Variants in KCNT1 observed in about 807,000 individuals in gnomAD.
The protein encoded by KCNT1 is potassium channel subfamily T member 1.
Under a neutral mutation model 147.8 loss-of-function variants are expected in KCNT1, and 78 were observed. That is an observed-to-expected ratio of 0.53 (90% CI 0.44 to 0.64). KCNT1 has a LOEUF of 0.64. KCNT1 is among the 30% of genes least tolerant of loss of function. The pLI, the probability that KCNT1 is intolerant of heterozygous loss-of-function variation, is 0.00. For synonymous variants in KCNT1, 867 were observed against 748.8 expected, an observed-to-expected ratio of 1.16 and a Z score of -2.58; for missense variants, 1,419 against 1,750.3, an observed-to-expected ratio of 0.81 and a Z score of 3.38.
In KCNT1 at chr9:135,786,300, C is replaced by A; in HGVS notation, c.3281C>A (p.Thr1094Lys). The A allele has an allele frequency of 6.2e-7, 1 of 1,604,062 alleles. No homozygotes were observed. Among genetic ancestry groups the A allele is most frequent in the Non-Finnish European group, 8.5e-7 (1 of 1,176,606 alleles). Residue 1094 changes from threonine to lysine, a missense_variant, in exon 29 of 31, where the codon ACG (threonine) becomes AAG (lysine). Coordinates refer to ENST00000371757, the MANE Select transcript of KCNT1 (RefSeq NM_020822.3). Reference sequence around the variant, plus strand: ...GGAGGCAGCTCCCAGGGCCGCCACACGGGCGGCGGTGACCCCGCAGAGCAC... The same window carrying A: ...GGAGGCAGCTCCCAGGGCCGCCACAAGGGCGGCGGTGACCCCGCAGAGCAC... ...GTGGSSQGRH[T>K]GGGDPAEHPL...
chr9:135,746,026 C>A lies in KCNT1; in HGVS notation c.255-4072C>A, dbSNP rs117257274. Among the ~76,000 whole-genome samples, 24 of 152,372 alleles carry A rather than the reference C, an allele frequency of 1.6e-4. No individual in the cohort carries two copies. In the East Asian group the frequency reaches 4.6e-3, roughly 29 times the overall value. ...AGCCACAGGCTCCCTCCCCAGGTGC[C>A]GCTGCGTGACTCGTGAAGACAGATC... On this transcript the variant is annotated intron_variant, in intron 2 of 30. Coordinates refer to ENST00000371757, the MANE Select transcript of KCNT1 (RefSeq NM_020822.3).
intron 1 of KCNT1, among the ~76,000 whole-genome samples, chr9:135,712,560 T>C (rs1431460329): frequency 1.3e-5 from 2 of 151,980 alleles, no homozygotes; most frequent in Non-Finnish European, 2.9e-5. Flanking sequence ...CCTCTCCCCC[T>C]GTGCCCAAAA....
rs773573319 is a variant in KCNT1, at chr9:135,784,795, C to G, written c.3062C>G (p.Thr1021Arg). The change falls in exon 27 of 31, where the codon ACG (threonine) becomes AGG (arginine). Residue 1021 changes from threonine to arginine, a missense_variant. Physicochemically the swap from Thr to Arg is moderately conservative, Grantham distance 71 (BLOSUM62 -1). Coordinates refer to ENST00000371757, the MANE Select transcript of KCNT1 (RefSeq NM_020822.3). ...KITEGDLWIR[T>R]YGRLFQKLCS... ...ACCGAGGGCGACCTGTGGATCCGCA[C>G]GTACGGCCGCCTCTTCCAGAAGCTC... 6.2e-7 allele frequency: 1 copy of G among 1,612,778 alleles called. No individual in the cohort carries two copies.
intron 1 of KCNT1, among the ~76,000 whole-genome samples, chr9:135,709,235 G>C (rs1835381615): frequency 6.6e-6 from 1 of 152,024 alleles, no homozygotes; most frequent in South Asian, 2.1e-4. Flanking sequence ...TTCATTATAT[G>C]CCATTCTGTT....
intron 17 of KCNT1, among the ~76,000 whole-genome samples, 177 bp from the exon 18 acceptor site, chr9:135,770,680 T>C (rs1270220812): frequency 6.6e-6 from 1 of 152,214 alleles, no homozygotes. Flanking sequence ...CCCAGCTCTC[T>C]GGTCCCCAAC....
chr9:135,755,127 T>C lies in KCNT1; in HGVS notation c.498T>C (p.Pro166=), dbSNP rs1402179280. The change falls in exon 6 of 31, where the codon CCT becomes CCC. Residue 166 remains proline (P), a synonymous_variant. Coordinates refer to ENST00000371757, the MANE Select transcript of KCNT1 (RefSeq NM_020822.3). ...NDSSSEINWA[P]ILWVERKMTL... is the part of the protein sequence containing the mutation. Reference sequence around the variant, plus strand: ...GCCTCCTTTCTCTTCCCAGGGCTCCTATTCTGTGGGTGGAGAGAAAGATGA... The same window carrying C: ...GCCTCCTTTCTCTTCCCAGGGCTCCCATTCTGTGGGTGGAGAGAAAGATGA... The C allele has an allele frequency of 6.2e-7, 1 of 1,611,914 alleles. No individual in the cohort carries two copies. Among genetic ancestry groups the C allele is most frequent in the Non-Finnish European group, 8.5e-7 (1 of 1,178,906 alleles).
chr9:135,713,582 C>T (rs1184320151), intron 1 of KCNT1, among the ~76,000 whole-genome samples: 2 of 152,308 alleles, frequency 1.3e-5, no homozygotes, highest in East Asian at 1.9e-4. Flanking sequence ...GCAGGGCCTA[C>T]GGGCACAGCA....
chr9:135,768,778 C>T, intron 14 of KCNT1, 51 bp from the exon 15 acceptor site: 1 of 1,566,044 alleles, frequency 6.4e-7, no homozygotes, highest in Non-Finnish European at 8.7e-7. Flanking sequence ...TGCCGCCCAG[C>T]AGCCCACAGA....
intron 2 of KCNT1, among the ~76,000 whole-genome samples, chr9:135,735,874 C>T (rs1295946835): frequency 1.3e-5 from 2 of 152,210 alleles, no homozygotes; most frequent in African/African-American, 4.8e-5. Flanking sequence ...TGCCAATACC[C>T]CCCGGCTGTT....
chr9:135,772,969 CGGCTCCCAGTGGG>C lies in KCNT1; in HGVS notation c.2243+23_2243+35del. 2 of 1,426,922 alleles carry C rather than the reference CGGCTCCCAGTGGG, an allele frequency of 1.4e-6. No individual in the cohort carries two copies. Among genetic ancestry groups the C allele is most frequent in the Non-Finnish European group, 1.8e-6 (2 of 1,088,758 alleles). The allele number at this position is 1,426,922 out of a possible 1,614,324, so 88.4% of individuals were successfully genotyped here. A position where few individuals can be genotyped will look rare whatever the true frequency, so the allele number is the denominator to read the frequency against. ...GGTAGAGTGAGTGCTGCCTTGGAGA[CGGCTCCCAGTGGG>C]GGGAGGAGCCGCCCATGAGTGCGGG... On this transcript the variant is annotated intron_variant, in intron 19 of 30. Transcript: ENST00000371757.
At chr9:135,753,471 G>A (rs914315852) in intron 4 of KCNT1, among the ~76,000 whole-genome samples, 4 of 152,134 alleles carry the variant, frequency 2.6e-5, no homozygotes, top group African/African-American at 4.8e-5. Context: ...TCAGCACCTG[G>A]GGATAGGAGC....
chr9:135,758,723 C>T (rs1399870535), intron 10 of KCNT1, among the ~76,000 whole-genome samples: 2 of 152,228 alleles, frequency 1.3e-5, no homozygotes, highest in East Asian at 1.9e-4. Flanking sequence ...CCCTGCAGCC[C>T]GACTCCTCCA....
intron 13 of KCNT1, chr9:135,766,842 C>T (rs898290698): frequency 6.6e-6 from 1 of 152,326 alleles, no homozygotes; most frequent in Admixed American, 6.5e-5. Context: ...CTCCACCTTC[C>T]CCTGCTCCAA....
chr9:135,778,239 G>T (rs549215678), intron 21 of KCNT1, among the ~76,000 whole-genome samples, 185 bp from the exon 22 acceptor site: 2 of 152,302 alleles, frequency 1.3e-5, no homozygotes, highest in Admixed American at 6.5e-5. Context: ...CCGGGCCTTG[G>T]TTTCCCCTTG....
At chr9:135,757,118 CTCCAT>C in intron 7 of KCNT1, 33 bp from the exon 8 acceptor site, 1 of 1,432,508 alleles carries the variant, frequency 7.0e-7, no homozygotes, top group Non-Finnish European at 9.7e-7. Context: ...CACCCCCACC[CTCCAT>C]CGCCCCCGCT....
chr9:135,748,938 C>T (rs899937416), intron 2 of KCNT1, among the ~76,000 whole-genome samples: 7 of 145,252 alleles, frequency 4.8e-5, no homozygotes, highest in Admixed American at 4.0e-4. Flanking sequence ...TCATGGAGGG[C>T]ACAGGGCCAT....
At chr9:135,788,240 C>T (rs1834222313) in intron 29 of KCNT1, 2 of 1,226,520 alleles carry the variant, frequency 1.6e-6, no homozygotes, top group Non-Finnish European at 2.4e-6. Context: ...CTTGCTGCGC[C>T]ATCCCGGCCA....
At chr9:135,746,988 C>T (rs943007036) in intron 2 of KCNT1, among the ~76,000 whole-genome samples, 7 of 151,882 alleles carry the variant, frequency 4.6e-5, no homozygotes, top group Admixed American at 6.6e-5. Flanking sequence ...AATTCTGCCT[C>T]GGGGAGGGGG....
chr9:135,780,796 T>G (rs1019583131), intron 24 of KCNT1, among the ~76,000 whole-genome samples: 2 of 152,276 alleles, frequency 1.3e-5, no homozygotes, highest in African/African-American at 4.8e-5. Context: ...GTTCACAGGA[T>G]TCTGTGTTCG....
Sources: gnomAD v4.1 joint callset for allele counts (sites outside exome capture counted in the v4.1 genomes callset) on GRCh38, gnomAD v4.1.1 for gene constraint, MANE v1.5 for transcripts, NCBI Gene and HGNC (gene_info 2026-07-23, HGNC 2026-07-21) for gene names.